The following USP9X variants were observed in gnomAD, a reference collection of about 807,000 sequenced individuals.
USP9X encodes the protein ubiquitin carboxyl-terminal hydrolase 9X.
Under a neutral mutation model 190.3 loss-of-function variants are expected in USP9X, and 7 were observed. That is an observed-to-expected ratio of 0.04 (90% CI 0.02 to 0.07). The LOEUF is 0.07. Among genes scored for constraint, USP9X ranks in the 10% least tolerant of loss-of-function variants. USP9X has a pLI of 1.00. For synonymous variants in USP9X, 645 were observed against 659.5 expected (o/e 0.98, Z 0.34); for missense variants, 1,010 against 1,916.9 (o/e 0.53, Z 8.83).
At chrX:41,227,614 A>G (rs773326911) in intron 41 of USP9X, among the ~76,000 whole-genome samples, 14 of 112,224 alleles carry the variant, frequency 1.2e-4, no homozygotes, top group East Asian at 2.8e-4. Context: ...TAAAATTTAC[A>G]TAACAAAACT....
chrX:41,228,192 GTCCA>G (rs1452435399), intron 41 of USP9X, among the ~76,000 whole-genome samples: 27 of 111,857 alleles, frequency 2.4e-4, no homozygotes, highest in African/African-American at 8.4e-4. Context: ...TGTTTTCAGA[GTCCA>G]TCCATGTTAT....
intron 2 of USP9X, among the ~76,000 whole-genome samples, chrX:41,126,484 TGC>T (rs2146998921): frequency 8.9e-6 from 1 of 112,073 alleles, no homozygotes; most frequent in East Asian, 2.8e-4. Context: ...TAACCTTTTT[TGC>T]AATGTTTCTG....
intron 26 of USP9X, among the ~76,000 whole-genome samples, chrX:41,190,507 C>T (rs1399861984): frequency 9.0e-6 from 1 of 111,317 alleles, no homozygotes; most frequent in Non-Finnish European, 1.9e-5. Context: ...CAATCCTGCA[C>T]GTTGGAAAAG....
chrX:41,187,148 T>C (rs2062887700), intron 24 of USP9X, among the ~76,000 whole-genome samples: 1 of 112,473 alleles, frequency 8.9e-6, no homozygotes, highest in Non-Finnish European at 1.9e-5. Context: ...TCGGTGAATT[T>C]TGACATATAT....
At chrX:41,227,527 A>G (rs924813092) in intron 41 of USP9X, among the ~76,000 whole-genome samples, 13 of 111,979 alleles carry the variant, frequency 1.2e-4, no homozygotes, top group African/African-American at 4.2e-4. Flanking sequence ...GACTTTAAAC[A>G]TACTGTTAAG....
intron 23 of USP9X, among the ~76,000 whole-genome samples, chrX:41,186,309 G>C (rs1205533917): frequency 1.8e-5 from 2 of 111,465 alleles, no homozygotes; most frequent in Non-Finnish European, 3.8e-5. Context: ...CTAGAATGGG[G>C]ATTTGCAGAC....
chrX:41,204,994 T>C (rs2063077823), intron 31 of USP9X: 1 of 156,262 alleles, frequency 6.4e-6, no homozygotes, highest in Admixed American at 8.3e-5. Flanking sequence ...AAGTAGTTTT[T>C]ACTTGCTCAA....
At chrX:41,149,742 C>T (rs764694694) in intron 12 of USP9X, among the ~76,000 whole-genome samples, 26 of 108,803 alleles carry the variant, frequency 2.4e-4, no homozygotes, top group African/African-American at 7.7e-4. Context: ...CTTGTTCTGT[C>T]GCCCAGGCTG....
chrX:41,163,361 G>T (rs756573819), intron 15 of USP9X, among the ~76,000 whole-genome samples: 316 of 111,362 alleles, frequency 2.8e-3, no homozygotes, highest in African/African-American at 9.2e-3. Context: ...AGGGGAAAAG[G>T]TTTATTAAGA....
intron 3 of USP9X, among the ~76,000 whole-genome samples, chrX:41,129,886 C>T (rs1362022243): frequency 9.0e-6 from 1 of 110,935 alleles, no homozygotes; most frequent in Admixed American, 9.6e-5. Flanking sequence ...ATTTCATTTT[C>T]TAAAAATAAG....
intron 38 of USP9X, among the ~76,000 whole-genome samples, chrX:41,220,549 A>G (rs928032757): frequency 8.9e-6 from 1 of 112,589 alleles, no homozygotes; most frequent in Non-Finnish European, 1.9e-5. Flanking sequence ...TAATATTTCT[A>G]CAGTAAAATA....
At chrX:41,101,507 G>GA (rs2062033714) in intron 1 of USP9X, among the ~76,000 whole-genome samples, 1 of 109,913 alleles carries the variant, frequency 9.1e-6, no homozygotes, top group South Asian at 3.8e-4. Flanking sequence ...GAATTGCTTG[G>GA]ACCCGGGAGG....
intron 1 of USP9X, among the ~76,000 whole-genome samples, chrX:41,111,758 A>G (rs1341196882): frequency 9.0e-6 from 1 of 111,484 alleles, no homozygotes; most frequent in Non-Finnish European, 1.9e-5. Flanking sequence ...GGCTGGGGTT[A>G]GCTGCAAGAT....
chrX:41,162,441 TGAA>T (rs1160553384), intron 14 of USP9X, among the ~76,000 whole-genome samples: 1 of 112,092 alleles, frequency 8.9e-6, no homozygotes, highest in Non-Finnish European at 1.9e-5. Flanking sequence ...GGTAAGAAAT[TGAA>T]GAAAAAAATT....
At chrX:41,104,513 A>G (rs1158101774) in intron 1 of USP9X, among the ~76,000 whole-genome samples, 2 of 112,339 alleles carry the variant, frequency 1.8e-5, no homozygotes, top group Non-Finnish European at 3.8e-5. Context: ...AACCTAAGCA[A>G]TTGTGGTGTG....
At position 41,197,501 on chromosome X, in the gene USP9X, T is replaced by C. The variant is rs753515615; in HGVS notation, c.4371T>C (p.Asn1457=). The change falls in exon 29 of 45, where the codon AAT becomes AAC. Residue 1457 remains asparagine (N), a synonymous_variant. Transcript: ENST00000378308. ...TTGGTTGTGAAAAAGGAGGTGCTAATCTCATTAAAGTAAGTTCTGTGTTCT... is the reference window on the plus strand; with the variant it reads ...TTGGTTGTGAAAAAGGAGGTGCTAACCTCATTAAAGTAAGTTCTGTGTTCT... The part of the protein sequence containing the change: ...FHIGCEKGGA[N]LIKELIDDFI... 1.7e-6 allele frequency: 2 copies of C among 1,209,975 alleles called. No individual in the cohort carries two copies. The highest frequency in any genetic ancestry group is 2.2e-5 in the Admixed American group (1 of 45,923).
In USP9X at chrX:41,138,100, T is replaced by C. The variant is rs1418148056; in HGVS notation, c.654+1078T>C. Among the ~76,000 whole-genome samples the C allele has an allele frequency of 3.6e-5, 4 of 111,468 alleles. No individual in the cohort carries two copies. The South Asian group carries it at 1.1e-3, about 31-fold the overall frequency. On this transcript the variant is annotated intron_variant, in intron 6 of 44. Transcript: ENST00000378308. ...TTCAAGAGTACAATTTTTAAAAATA[T>C]AGCCCAAAATATAGTTGCGAATCAA...
Position 41,215,836 on chromosome X carries a change from G to T in USP9X, c.5332-63G>T, listed in dbSNP as rs1266792400. ...AATATCATTTAAAAGTTTGCTTGGG[G>T]TTTTTTTTTTTTTCCTGTGGATTTT... On this transcript the variant is annotated intron_variant, in intron 34 of 44. Coordinates refer to ENST00000378308, the MANE Select transcript of USP9X (RefSeq NM_001039591.3). 1.3e-4 allele frequency: 116 copies of T among 869,402 alleles called. 1 individual carries two copies. Among genetic ancestry groups the T allele is most frequent in the East Asian group, 3.9e-4 (11 of 28,137 alleles). 71.6% of individuals were successfully genotyped at this position (869,402 alleles called of 1,213,427 possible).
At chrX:41,161,609 T>C (rs1385257263) in intron 14 of USP9X, among the ~76,000 whole-genome samples, 1 of 98,803 alleles carries the variant, frequency 1.0e-5, no homozygotes, top group Non-Finnish European at 2.0e-5. Context: ...GTGCTAGGAT[T>C]ACAGGCGTGA....
Sources: gnomAD v4.1 joint callset for allele counts (sites outside exome capture counted in the v4.1 genomes callset) on GRCh38, gnomAD v4.1.1 for gene constraint, MANE v1.5 for transcripts, NCBI Gene and HGNC (gene_info 2026-07-23, HGNC 2026-07-21) for gene names.